KCNMA1: variants seen among roughly 807,000 people sequenced by gnomAD.
The protein encoded by KCNMA1 is potassium calcium-activated channel subfamily M alpha 1, also known as Calcium-activated potassium channel subunit alpha-1.
A neutral mutation model predicts 140.0 loss-of-function variants in KCNMA1; 29 were observed. The ratio of observed to expected loss-of-function variants is 0.21; its 90% CI spans 0.15 to 0.28. The LOEUF (loss-of-function observed/expected upper bound fraction) is 0.28. KCNMA1 is among the 10% of genes least tolerant of loss of function. The pLI is 1.00. For synonymous variants in KCNMA1, 612 were observed against 611.9 expected, an observed-to-expected ratio of 1.00 and a Z score of 0.00; for missense variants, 880 against 1,602.2, an observed-to-expected ratio of 0.55 and a Z score of 7.70.
At chr10:76,936,029 G>C (rs2060467933) in intron 23 of KCNMA1, among the ~76,000 whole-genome samples, 1 of 152,180 alleles carries the variant, frequency 6.6e-6, no homozygotes, top group Non-Finnish European at 1.5e-5. Context: ...TACTAGAATA[G>C]TAAATGGCAG....
intron 20 of KCNMA1, among the ~76,000 whole-genome samples, chr10:76,969,659 T>G (rs2075416833): frequency 6.6e-6 from 1 of 152,336 alleles, no homozygotes; most frequent in African/African-American, 2.4e-5. Context: ...CCGCCATCAT[T>G]AGTGCCACTG....
intron 20 of KCNMA1, among the ~76,000 whole-genome samples, chr10:76,968,689 C>T (rs935464555): frequency 2.0e-5 from 3 of 152,178 alleles, no homozygotes; most frequent in African/African-American, 7.2e-5. Context: ...AAACTGTAAA[C>T]AAGCATGCAA....
At chr10:77,334,667 C>T (rs187516327) in intron 2 of KCNMA1, among the ~76,000 whole-genome samples, 240 of 152,202 alleles carry the variant, frequency 1.6e-3, no homozygotes, top group Non-Finnish European at 2.5e-3. Context: ...CTAATGCAAG[C>T]GTTGAGACAT....
intron 2 of KCNMA1, among the ~76,000 whole-genome samples, chr10:77,279,072 A>G (rs1311696254): frequency 1.3e-5 from 2 of 152,106 alleles, no homozygotes; most frequent in Non-Finnish European, 2.9e-5. Context: ...AAGCTCCAGC[A>G]TTTTCCTCTT....
At chr10:77,407,618 A>G (rs2096513785) in intron 1 of KCNMA1, among the ~76,000 whole-genome samples, 2 of 152,236 alleles carry the variant, frequency 1.3e-5, no homozygotes, top group Admixed American at 1.3e-4. Context: ...GGCTGGAAGC[A>G]GAGAGCCCAC....
chr10:77,612,543 C>T (rs1409990823), intron 1 of KCNMA1, among the ~76,000 whole-genome samples: 1 of 152,218 alleles, frequency 6.6e-6, no homozygotes, highest in African/African-American at 2.4e-5. Context: ...GGCATCTCCT[C>T]ATTCTGCCTG....
intron 2 of KCNMA1, among the ~76,000 whole-genome samples, chr10:77,393,185 C>G (rs1566536752): frequency 6.6e-6 from 1 of 152,204 alleles, no homozygotes; most frequent in Non-Finnish European, 1.5e-5. Flanking sequence ...CAAACCAGGG[C>G]TTGCCTGGGG....
At chr10:76,893,957 A>G (rs1564752209) in intron 25 of KCNMA1, among the ~76,000 whole-genome samples, 1 of 152,144 alleles carries the variant, frequency 6.6e-6, no homozygotes. Context: ...CACAAAGTCC[A>G]TTTTTTTGTA....
intron 1 of KCNMA1, among the ~76,000 whole-genome samples, chr10:77,527,711 G>A (rs911480619): frequency 2.6e-5 from 4 of 152,218 alleles, no homozygotes; most frequent in South Asian, 4.1e-4. Context: ...GAGAGAGAGC[G>A]AGAGAGAGGT....
chr10:77,510,529 CA>C (rs1567235743), intron 1 of KCNMA1, among the ~76,000 whole-genome samples: 1 of 150,676 alleles, frequency 6.6e-6, no homozygotes, highest in Non-Finnish European at 1.5e-5. Flanking sequence ...CTGGGAAGCA[CA>C]AAGATTGTTA....
intron 14 of KCNMA1, among the ~76,000 whole-genome samples, chr10:77,053,782 T>C (rs755324310): frequency 6.6e-6 from 1 of 152,304 alleles, no homozygotes; most frequent in Non-Finnish European, 1.5e-5. Context: ...CCTCCATCTC[T>C]TAAGAAAGTT....
At chr10:77,098,586 A>C (rs916977594) in intron 9 of KCNMA1, among the ~76,000 whole-genome samples, 1 of 151,832 alleles carries the variant, frequency 6.6e-6, no homozygotes, top group African/African-American at 2.4e-5. Flanking sequence ...AAAAAAAAAA[A>C]ACAAAAAACT....
At chr10:77,424,309 T>C (rs1315181487) in intron 1 of KCNMA1, among the ~76,000 whole-genome samples, 4 of 152,218 alleles carry the variant, frequency 2.6e-5, no homozygotes, top group African/African-American at 7.2e-5. Context: ...ATCTAAGTAA[T>C]GCACATGCCC....
chr10:77,230,860 G>T (rs575309541), intron 3 of KCNMA1, among the ~76,000 whole-genome samples: 2 of 152,106 alleles, frequency 1.3e-5, no homozygotes, highest in Non-Finnish European at 2.9e-5. Flanking sequence ...AACACCCTTA[G>T]CTCTATCAAT....
At chr10:77,064,504 G>A (rs1367016324) in intron 14 of KCNMA1, among the ~76,000 whole-genome samples, 1 of 152,176 alleles carries the variant, frequency 6.6e-6, no homozygotes, top group Non-Finnish European at 1.5e-5. Context: ...TTTGCCTTGA[G>A]AATTTGTAAA....
chr10:76,930,849 GA>G (rs1406354622), intron 23 of KCNMA1, among the ~76,000 whole-genome samples: 1 of 152,164 alleles, frequency 6.6e-6, no homozygotes, highest in Non-Finnish European at 1.5e-5. Context: ...CAACATAGAT[GA>G]ACTGGAGAAC....
intron 2 of KCNMA1, among the ~76,000 whole-genome samples, chr10:77,363,115 T>C (rs1475436672): frequency 1.7e-5 from 1 of 58,488 alleles, no homozygotes; most frequent in Non-Finnish European, 3.5e-5. Context: ...TTAAGAATTA[T>C]TATTATTTTT....
At chr10:77,447,334 T>C (rs566305993) in intron 1 of KCNMA1, among the ~76,000 whole-genome samples, 20 of 152,312 alleles carry the variant, frequency 1.3e-4, no homozygotes, top group Admixed American at 2.0e-4. Flanking sequence ...TTCTCAGAGG[T>C]GGATTCCTAA....
In KCNMA1 at chr10:77,424,257, C is replaced by A. The variant is rs1236634173; in HGVS notation, c.379-20234G>T. 3.9e-5 allele frequency among the ~76,000 whole-genome samples: 6 copies of A among 152,334 alleles called. No individual in the cohort carries two copies. In the East Asian group the frequency reaches 1.2e-3, roughly 29 times the overall value. On this transcript the variant is annotated intron_variant, in intron 1 of 27. Transcript: ENST00000286628. ...TCTGAGAGTTGTTGGATGTGTCTAGCACATTCCTTCTAACTTATAAAGCAT... is the reference window on the plus strand; with the variant it reads ...TCTGAGAGTTGTTGGATGTGTCTAGAACATTCCTTCTAACTTATAAAGCAT...
Sources: allele counts gnomAD v4.1 joint callset (sites outside exome capture counted in the v4.1 genomes callset), GRCh38; gene constraint gnomAD v4.1.1; transcripts MANE v1.5; gene names NCBI Gene and HGNC (gene_info 2026-07-23, HGNC 2026-07-21).